The following GRID2 variants were observed in gnomAD, a reference collection of about 807,000 sequenced individuals.
GRID2 encodes the protein glutamate ionotropic receptor delta type subunit 2.
GRID2 carries 33 observed loss-of-function variants against 114.8 expected under a neutral mutation model. That is an observed-to-expected ratio of 0.29 (90% CI 0.22 to 0.38). The LOEUF is 0.38. GRID2 is among the 10% of genes least tolerant of loss of function. The pLI is 1.00. For synonymous variants in GRID2, 505 were observed against 449.9 expected (o/e 1.12, Z -1.55); for missense variants, 1,184 against 1,257.7 (o/e 0.94, Z 0.89).
intron 1 of GRID2, among the ~76,000 whole-genome samples, chr4:92,307,007 G>A (rs1054646244): frequency 6.6e-6 from 1 of 151,756 alleles, no homozygotes; most frequent in Admixed American, 6.6e-5. Context: ...ATAATATATC[G>A]AAAAACATTA....
intron 1 of GRID2, among the ~76,000 whole-genome samples, chr4:92,439,354 G>A (rs887372430): frequency 7.9e-5 from 12 of 152,162 alleles, no homozygotes; most frequent in Admixed American, 5.2e-4. Flanking sequence ...GGGCGTATAT[G>A]TGCAAGTCAC....
chr4:93,750,345 G>A (rs974914382), intron 14 of GRID2, among the ~76,000 whole-genome samples: 1 of 152,126 alleles, frequency 6.6e-6, no homozygotes, highest in Non-Finnish European at 1.5e-5. Context: ...TAGATTCCCA[G>A]ACACCAACCC....
In GRID2 at chr4:93,332,305, A is replaced by T. The variant is rs866499873; in HGVS notation, c.1246-63302A>T. ...GTGTGTGTGTGTGTGTGTGTGAGAG[A>T]GAGAGAGAGAGAGAGAGAGAACTGG... is the stretch of plus-strand genomic sequence containing the variant. On this transcript the variant is annotated intron_variant, in intron 8 of 15. Coordinates refer to ENST00000282020, the MANE Select transcript of GRID2 (RefSeq NM_001510.4). 3.8e-3 allele frequency among the ~76,000 whole-genome samples: 568 copies of T among 147,730 alleles called. 3 individuals are homozygous for T. Among genetic ancestry groups the T allele is most frequent in the East Asian group, 0.013 (65 of 5,052 alleles).
At chr4:92,607,605 T>G (rs1729521968) in intron 2 of GRID2, among the ~76,000 whole-genome samples, 1 of 151,912 alleles carries the variant, frequency 6.6e-6, no homozygotes, top group Non-Finnish European at 1.5e-5. Flanking sequence ...TGTTTGCATC[T>G]CATATCTTTT....
At chr4:93,629,681 G>A (rs879708882) in intron 14 of GRID2, among the ~76,000 whole-genome samples, 1 of 151,960 alleles carries the variant, frequency 6.6e-6, no homozygotes, top group Non-Finnish European at 1.5e-5. Context: ...AGTATACTAG[G>A]TGATTTTTAA....
chr4:92,880,548 T>C (rs968592784), intron 2 of GRID2, among the ~76,000 whole-genome samples: 4 of 152,334 alleles, frequency 2.6e-5, no homozygotes, highest in African/African-American at 9.6e-5. Context: ...TTTTGAAATT[T>C]TGTCATATAA....
chr4:92,756,802 G>A (rs889095405), intron 2 of GRID2, among the ~76,000 whole-genome samples: 1 of 151,872 alleles, frequency 6.6e-6, no homozygotes, highest in African/African-American at 2.4e-5. Flanking sequence ...ACTTTTTAAT[G>A]TTTGGGGTTT....
intron 1 of GRID2, among the ~76,000 whole-genome samples, chr4:92,577,270 T>C (rs1664960121): frequency 1.3e-5 from 2 of 152,130 alleles, no homozygotes; most frequent in South Asian, 4.1e-4. Context: ...TTTCAAGATT[T>C]CTCATATAGA....
intron 11 of GRID2, among the ~76,000 whole-genome samples, chr4:93,464,400 A>C (rs772860496): frequency 6.6e-6 from 1 of 152,178 alleles, no homozygotes; most frequent in Non-Finnish European, 1.5e-5. Flanking sequence ...TTGAAAATTA[A>C]GACTGTTAGC....
chr4:92,980,074 A>T (rs912699624), intron 2 of GRID2, among the ~76,000 whole-genome samples: 3 of 152,164 alleles, frequency 2.0e-5, no homozygotes, highest in Non-Finnish European at 4.4e-5. Context: ...TGCCTTAATA[A>T]TAATGTGTGG....
chr4:92,603,057 A>G (rs1729294441), intron 2 of GRID2, among the ~76,000 whole-genome samples: 1 of 152,172 alleles, frequency 6.6e-6, no homozygotes, highest in Non-Finnish European at 1.5e-5. Flanking sequence ...GAGAGGACAC[A>G]AAGAAATGGA....
intron 2 of GRID2, among the ~76,000 whole-genome samples, chr4:92,661,577 G>A (rs555794747): frequency 4.5e-4 from 68 of 150,836 alleles, no homozygotes; most frequent in African/African-American, 1.6e-3. Flanking sequence ...ATGGGAAAAG[G>A]AATATTTGTT....
intron 2 of GRID2, among the ~76,000 whole-genome samples, chr4:92,743,992 C>T (rs1737021791): frequency 6.6e-6 from 1 of 152,076 alleles, no homozygotes; most frequent in South Asian, 2.1e-4. Flanking sequence ...AATTGTCCTT[C>T]ACTTATTTTT....
At chr4:93,798,967 G>C (rs1734864020) in intron 1 of GRID2, among the ~76,000 whole-genome samples, 1 of 152,288 alleles carries the variant, frequency 6.6e-6, no homozygotes. Context: ...AAAAAGCAGG[G>C]GGTAGGCAAT....
chr4:93,155,536 A>G (rs1395752872), intron 4 of GRID2, among the ~76,000 whole-genome samples: 1 of 152,002 alleles, frequency 6.6e-6, no homozygotes, highest in Non-Finnish European at 1.5e-5. Flanking sequence ...GACATTTCCT[A>G]TACTCTAAGC....
chr4:93,085,244 G>A lies in GRID2; in HGVS notation c.494G>A (p.Trp165Ter), dbSNP rs1389640190. 6.2e-7 allele frequency: 1 copy of A among 1,613,458 alleles called. No homozygotes were observed. The highest frequency in any genetic ancestry group is 1.7e-5 in the Admixed American group (1 of 59,990). ...VILRVVTEYA[W>*]QKFIIFYDSE... The stretch of plus-strand genomic sequence containing the variant: ...CTAAGAGTGGTCACAGAGTATGCCT[G>A]GCAGAAATTCATTATATTCTATGAT... Residue 165 changes from tryptophan to a stop codon, truncating the protein, a stop_gained, in exon 3 of 16, where the codon TGG becomes TAG. Transcript: ENST00000282020. LOFTEE classifies it high-confidence loss of function.
At chr4:92,372,634 A>T (rs1221995637) in intron 1 of GRID2, among the ~76,000 whole-genome samples, 2 of 152,192 alleles carry the variant, frequency 1.3e-5, no homozygotes. Context: ...GACTGACTTT[A>T]TTGTGATATT....
intron 8 of GRID2, among the ~76,000 whole-genome samples, chr4:93,379,487 C>G (rs899856504): frequency 6.6e-6 from 1 of 152,034 alleles, no homozygotes; most frequent in African/African-American, 2.4e-5. Flanking sequence ...GGGGAGAGAT[C>G]TTTTCCTACC....
intron 2 of GRID2, among the ~76,000 whole-genome samples, chr4:92,633,182 G>A (rs370310958): frequency 2.9e-5 from 4 of 138,092 alleles, no homozygotes; most frequent in African/African-American, 1.0e-4. Context: ...GCTAATGTAT[G>A]TTCAATTTTT....
Sources: gnomAD v4.1 joint callset for allele counts (sites outside exome capture counted in the v4.1 genomes callset) on GRCh38, gnomAD v4.1.1 for gene constraint, MANE v1.5 for transcripts, NCBI Gene and HGNC (gene_info 2026-07-23, HGNC 2026-07-21) for gene names.